Variants in PRKAR2A observed in about 807,000 individuals in gnomAD.
PRKAR2A encodes cAMP-dependent protein kinase type II-alpha regulatory subunit.
A neutral mutation model predicts 51.9 loss-of-function variants in PRKAR2A; 29 were observed. That is an observed-to-expected ratio of 0.56 (90% CI 0.42 to 0.76). The LOEUF is 0.76. Among genes scored for constraint, PRKAR2A ranks in the 30% least tolerant of loss-of-function variants. The pLI, the probability that PRKAR2A is intolerant of heterozygous loss-of-function variation, is 0.00. For missense variants in PRKAR2A, 445 were observed against 512.1 expected (o/e 0.87, Z 1.26); for synonymous variants, 178 against 186.2 (o/e 0.96, Z 0.36).
At chr3:48,801,855 G>A (rs1478801198) in intron 2 of PRKAR2A, among the ~76,000 whole-genome samples, 1 of 152,142 alleles carries the variant, frequency 6.6e-6, no homozygotes, top group Non-Finnish European at 1.5e-5. Flanking sequence ...TCCTGCCTCA[G>A]CCTCCCAAGA....
chr3:48,778,782 C>T (rs561468972), intron 5 of PRKAR2A, among the ~76,000 whole-genome samples: 1 of 149,194 alleles, frequency 6.7e-6, no homozygotes. Flanking sequence ...CCTCCCAAAG[C>T]GCTGGGATTA....
intron 8 of PRKAR2A, among the ~76,000 whole-genome samples, chr3:48,763,951 A>G (rs979349246): frequency 2.0e-5 from 3 of 152,154 alleles, no homozygotes; most frequent in Non-Finnish European, 4.4e-5. Flanking sequence ...TTAGTCCTTT[A>G]TCTCTTCCAA....
chr3:48,785,585 C>G (rs1325148290), intron 4 of PRKAR2A, among the ~76,000 whole-genome samples: 40 of 151,548 alleles, frequency 2.6e-4, no homozygotes. Context: ...TTAGTAGAGA[C>G]AGGGTTTCAC....
At chr3:48,775,280 A>C (rs2082089138) in intron 5 of PRKAR2A, among the ~76,000 whole-genome samples, 1 of 151,804 alleles carries the variant, frequency 6.6e-6, no homozygotes. Flanking sequence ...CTCTACTAAA[A>C]ATACAAAAAT....
At chr3:48,779,188 G>A (rs1473529476) in intron 5 of PRKAR2A, among the ~76,000 whole-genome samples, 1 of 151,868 alleles carries the variant, frequency 6.6e-6, no homozygotes, top group Non-Finnish European at 1.5e-5. Flanking sequence ...TTGAACTCCT[G>A]GGCTCAGACA....
At chr3:48,769,159 T>TTTTTTTA (rs1472953208) in intron 6 of PRKAR2A, among the ~76,000 whole-genome samples, 1 of 147,974 alleles carries the variant, frequency 6.8e-6, no homozygotes, top group African/African-American at 2.5e-5. Context: ...ATATCTTTCT[T>TTTTTTTA]TTTTTTTTTC....
rs2081606997 is a variant in PRKAR2A at position 48,749,095 on chromosome 3, G to T, written c.*2490C>A. ...GTGTGGGCCATCATTATCTACAATA[G>T]AAATGACTCAAGCCCTAGCATGTAA... On this transcript the variant is annotated 3_prime_UTR_variant, in exon 11 of 11. Transcript: ENST00000265563. 1 of 152,160 alleles carries T rather than the reference G, an allele frequency of 6.6e-6. No homozygotes were observed. Among genetic ancestry groups the T allele is most frequent in the Non-Finnish European group, 1.5e-5 (1 of 68,026 alleles). 9.4% of individuals were successfully genotyped at this position (152,160 alleles called of 1,614,324 possible). A position where few individuals can be genotyped will look rare whatever the true frequency, so the allele number is the denominator to read the frequency against.
chr3:48,837,851 C>A (rs1408092196), intron 1 of PRKAR2A, among the ~76,000 whole-genome samples: 1 of 150,830 alleles, frequency 6.6e-6, no homozygotes, highest in African/African-American at 2.4e-5. Flanking sequence ...CATGGATGAA[C>A]CTTGAGTACA....
At chr3:48,826,868 G>C (rs932761785) in intron 1 of PRKAR2A, among the ~76,000 whole-genome samples, 2 of 150,824 alleles carry the variant, frequency 1.3e-5, no homozygotes, top group South Asian at 4.2e-4. Flanking sequence ...CAGGTGAATA[G>C]GGTTGTAAAT....
At chr3:48,790,491 G>T in intron 4 of PRKAR2A, 53 bp downstream of exon 4, 1 of 1,312,486 alleles carries the variant, frequency 7.6e-7, no homozygotes, top group South Asian at 1.5e-5. Context: ...GTGACAAATA[G>T]GAGCAAAGCT....
downstream of PRKAR2A, chr3:48,746,451 C>G (rs1243834277): frequency 1.3e-5 from 2 of 151,648 alleles, no homozygotes; most frequent in African/African-American, 2.4e-5. Context: ...CAAGGGGTCC[C>G]TAATTTTCAA....
intron 1 of PRKAR2A, among the ~76,000 whole-genome samples, chr3:48,833,789 A>T (rs2083234145): frequency 6.6e-6 from 1 of 151,046 alleles, no homozygotes; most frequent in Admixed American, 6.6e-5. Context: ...TATTCCCAGC[A>T]CTTTGGGAGG....
intron 2 of PRKAR2A, among the ~76,000 whole-genome samples, chr3:48,802,898 G>C (rs2082612532): frequency 6.6e-6 from 1 of 152,288 alleles, no homozygotes; most frequent in African/African-American, 2.4e-5. Flanking sequence ...TGCAGGAGAG[G>C]AGCTAACAGC....
At chr3:48,823,994 A>G (rs1010417072) in intron 1 of PRKAR2A, among the ~76,000 whole-genome samples, 1 of 152,146 alleles carries the variant, frequency 6.6e-6, no homozygotes, top group Non-Finnish European at 1.5e-5. Context: ...TAATCCCAGC[A>G]CTTTGGGAGG....
rs2082228194 is a variant in PRKAR2A at position 48,783,050 on chromosome 3, C to A, written c.478G>T (p.Val160Phe). The change falls in exon 5 of 11, where the codon GTC becomes TTC. Residue 160 changes from valine to phenylalanine, a missense_variant. Coordinates refer to ENST00000265563, the MANE Select transcript of PRKAR2A (RefSeq NM_004157.4). Reference protein sequence around the residue: ...QVLDAMFERIVKADEHVIDQG... With the variant: ...QVLDAMFERIFKADEHVIDQG... ...TCAATGACATGCTCATCAGCTTTGA[C>A]TATCCTTTCAAACATGGCATCGAGA... 6.2e-7 allele frequency: 1 copy of A among 1,613,900 alleles called. No homozygotes were observed. The highest frequency in any genetic ancestry group is 1.3e-5 in the African/African-American group (1 of 75,056).
Position 48,764,826 on chromosome 3 carries a change from T to C in PRKAR2A, c.873+178A>G, listed in dbSNP as rs3774627. Reference sequence around the variant, plus strand: ...TTTTAGTAGAGATGGAGTTTTACCATGTTGGCCAGGCTGGTCTTGAACTCC... The same window carrying C: ...TTTTAGTAGAGATGGAGTTTTACCACGTTGGCCAGGCTGGTCTTGAACTCC... On this transcript the variant is annotated intron_variant, in intron 8 of 10. Transcript: ENST00000265563. Among the ~76,000 whole-genome samples the C allele has an allele frequency of 8.9e-4, 135 of 152,324 alleles. 1 individual carries two copies. In the East Asian group the frequency reaches 0.022, roughly 25 times the overall value.
intron 6 of PRKAR2A, 21 bp downstream of exon 6, chr3:48,772,934 G>A: frequency 6.2e-7 from 1 of 1,605,568 alleles, no homozygotes; most frequent in Non-Finnish European, 8.5e-7. Context: ...CCTTGCAAGG[G>A]GAACGATTTC....
At chr3:48,763,896 C>T (rs566149396) in intron 8 of PRKAR2A, among the ~76,000 whole-genome samples, 31 of 152,256 alleles carry the variant, frequency 2.0e-4, no homozygotes, top group African/African-American at 7.2e-4. Context: ...TCCTAGAAAA[C>T]AAATACATTT....
intron 2 of PRKAR2A, among the ~76,000 whole-genome samples, chr3:48,796,609 T>A (rs537512635): frequency 3.8e-4 from 57 of 151,792 alleles, no homozygotes; most frequent in African/African-American, 1.4e-3. Flanking sequence ...ATTCTCCTGC[T>A]TCAGCCTCCC....
Sources: gnomAD v4.1 joint callset for allele counts (sites outside exome capture counted in the v4.1 genomes callset) on GRCh38, gnomAD v4.1.1 for gene constraint, MANE v1.5 for transcripts, NCBI Gene and HGNC (gene_info 2026-07-23, HGNC 2026-07-21) for gene names.